GALNT18: variants seen among roughly 807,000 people sequenced by gnomAD.
The protein encoded by GALNT18 is GalNAc-transferase 18.
A neutral mutation model predicts 69.5 loss-of-function variants in GALNT18; 44 were observed. The ratio of observed to expected loss-of-function variants is 0.63; its 90% confidence interval spans 0.50 to 0.81. GALNT18 has a LOEUF of 0.81. GALNT18 is among the 40% of genes least tolerant of loss of function. The probability of loss-of-function intolerance (pLI) is 0.00; values close to 1 mark genes in which losing one functional copy is unlikely to be tolerated. For missense variants in GALNT18, 715 were observed against 810.0 expected, an observed-to-expected ratio of 0.88 and a Z score of 1.42; for synonymous variants, 364 against 318.2, an observed-to-expected ratio of 1.14 and a Z score of -1.53.
chr11:11,307,067 T>G (rs1849591383), intron 9 of GALNT18, among the ~76,000 whole-genome samples: 1 of 151,848 alleles, frequency 6.6e-6, no homozygotes, highest in Non-Finnish European at 1.5e-5. Context: ...AGAAGCAGAG[T>G]CAACTAGCTG....
chr11:11,519,645 T>C (rs189340779), intron 1 of GALNT18, among the ~76,000 whole-genome samples: 1 of 152,142 alleles, frequency 6.6e-6, no homozygotes, highest in Non-Finnish European at 1.5e-5. Flanking sequence ...TCAACTGCCT[T>C]ATCTCCCCTC....
At chr11:11,518,248 T>G (rs1857323261) in intron 1 of GALNT18, among the ~76,000 whole-genome samples, 1 of 152,226 alleles carries the variant, frequency 6.6e-6, no homozygotes, top group African/African-American at 2.4e-5. Context: ...AGACACAAAC[T>G]GCATTTCATG....
At chr11:11,375,785 A>G (rs1031139328) in intron 5 of GALNT18, among the ~76,000 whole-genome samples, 5 of 152,142 alleles carry the variant, frequency 3.3e-5, no homozygotes, top group Non-Finnish European at 7.4e-5. Flanking sequence ...AACAACACAA[A>G]ATTGTGGCAG....
At chr11:11,384,760 C>G (rs1854009320) in intron 3 of GALNT18, among the ~76,000 whole-genome samples, 1 of 152,176 alleles carries the variant, frequency 6.6e-6, no homozygotes, top group South Asian at 2.1e-4. Flanking sequence ...AGACCCCCAG[C>G]CTCTGGAACT....
At chr11:11,302,341 T>A (rs1849510251) in intron 9 of GALNT18, among the ~76,000 whole-genome samples, 1 of 152,100 alleles carries the variant, frequency 6.6e-6, no homozygotes, top group South Asian at 2.1e-4. Context: ...TGGTGAAGTC[T>A]CTCTTTTTCT....
chr11:11,339,891 T>A lies in GALNT18; in HGVS notation c.1278+928A>T, dbSNP rs1279330407. On this transcript the variant is annotated intron_variant, in intron 7 of 10. Coordinates refer to ENST00000227756, the MANE Select transcript of GALNT18 (RefSeq NM_198516.3). The surrounding 1 kb of genome is among the most constrained non-coding windows in gnomAD (Gnocchi z 5.2). ...GGTGTAGAGTTTAGGTAACAGGGCT[T>A]TCATATGATCACTTTGAGCGAAGAT... Among the ~76,000 whole-genome samples, 1 of 152,188 alleles carries A rather than the reference T, an allele frequency of 6.6e-6. No homozygotes were observed. The highest frequency in any genetic ancestry group is 1.5e-5 in the Non-Finnish European group (1 of 68,032).
intron 8 of GALNT18, among the ~76,000 whole-genome samples, chr11:11,327,541 T>G (rs12801014): frequency 0.13 from 19,476 of 152,190 alleles, 1,807 homozygotes; most frequent in African/African-American, 0.25. Flanking sequence ...TCTTTAGTGT[T>G]GGGGGAAATG....
intron 1 of GALNT18, among the ~76,000 whole-genome samples, chr11:11,526,835 A>T (rs191596306): frequency 6.6e-6 from 1 of 152,274 alleles, no homozygotes; most frequent in East Asian, 1.9e-4. Context: ...AAATCCAGGG[A>T]AAGTGGGGAA....
intron 1 of GALNT18, among the ~76,000 whole-genome samples, chr11:11,503,965 G>A (rs141831663): frequency 6.6e-6 from 1 of 152,208 alleles, no homozygotes; most frequent in African/African-American, 2.4e-5. Context: ...TAACAGCAAA[G>A]GTTCATTTAG....
intron 1 of GALNT18, among the ~76,000 whole-genome samples, chr11:11,458,639 C>T (rs1855973122): frequency 6.6e-6 from 1 of 152,222 alleles, no homozygotes; most frequent in African/African-American, 2.4e-5. Context: ...GCCCAGTTCA[C>T]CCGAGCACTG....
At position 11,443,794 on chromosome 11, in the gene GALNT18, T is replaced by TC. The variant is rs1855585111; in HGVS notation, c.428+4949dup. Among the ~76,000 whole-genome samples the TC allele has an allele frequency of 3.3e-5, 5 of 152,178 alleles. No homozygotes were observed. In the South Asian group the frequency reaches 1.0e-3, roughly 32 times the overall value. ...CCAGAGGAGTCTGAAGTGTCCTGCC[T>TC]CCCCCAGTTCTTCCCACCTGGATGG... On this transcript the variant is annotated intron_variant, in intron 2 of 10. Transcript: ENST00000227756.
rs1855375647 is a variant in GALNT18, at chr11:11,435,376, G to A, written c.429-2589C>T. ...TGCCAGTCTCTGGAAGCTGGTCTCCGGATGGTCTTTCTCCACGCAGAATGA... is the reference window on the plus strand; with the variant it reads ...TGCCAGTCTCTGGAAGCTGGTCTCCAGATGGTCTTTCTCCACGCAGAATGA... On this transcript the variant is annotated intron_variant, in intron 2 of 10. Transcript: ENST00000227756. This position sits in a 1 kb window ranked among gnomAD's most constrained non-coding sequence, Gnocchi z 4.4. 6.6e-6 allele frequency among the ~76,000 whole-genome samples: 1 copy of A among 152,126 alleles called. No homozygotes were observed. The highest frequency in any genetic ancestry group is 1.5e-5 in the Non-Finnish European group (1 of 68,018).
rs538600740 is a variant in GALNT18 at position 11,611,610 on chromosome 11, G to A, written c.235+9749C>T. ...GGGAATTGGGTGCTTCCCTGGACCT[G>A]GGACTTTCAGTTTTAAAACAGGGAA... is the stretch of plus-strand genomic sequence containing the variant. On this transcript the variant is annotated intron_variant, in intron 1 of 10. Transcript: ENST00000227756. Among the ~76,000 whole-genome samples the A allele has an allele frequency of 7.2e-5, 11 of 152,272 alleles. No homozygotes were observed. The East Asian group carries it at 2.1e-3, about 29-fold the overall frequency.
At chr11:11,333,747 A>C (rs1316676158) in intron 7 of GALNT18, among the ~76,000 whole-genome samples, 6 of 152,212 alleles carry the variant, frequency 3.9e-5, no homozygotes, top group Middle Eastern at 3.4e-3. Flanking sequence ...GAAGTGACAC[A>C]TGATTGTGTC....
chr11:11,415,236 A>T lies in GALNT18; in HGVS notation c.595+17385T>A, dbSNP rs1188768251. The stretch of plus-strand genomic sequence containing the variant: ...GCCCAACCAACCGATTGGGGACCTT[A>T]ATTACGTCAGCCAATTCCCCTCACA... On this transcript the variant is annotated intron_variant, in intron 3 of 10. Transcript: ENST00000227756. This position sits in a 1 kb window ranked among gnomAD's most constrained non-coding sequence, Gnocchi z 4.1. Among the ~76,000 whole-genome samples the T allele has an allele frequency of 6.6e-6, 1 of 152,158 alleles. No individual in the cohort carries two copies. Among genetic ancestry groups the T allele is most frequent in the East Asian group, 1.9e-4 (1 of 5,198 alleles).
chr11:11,302,183 T>C (rs1164318191), intron 9 of GALNT18, among the ~76,000 whole-genome samples: 1 of 152,140 alleles, frequency 6.6e-6, no homozygotes, highest in African/African-American at 2.4e-5. Context: ...GATCAGTAAG[T>C]GCCCCCACTT....
At chr11:11,552,224 T>C (rs558975882) in intron 1 of GALNT18, among the ~76,000 whole-genome samples, 202 of 152,358 alleles carry the variant, frequency 1.3e-3, no homozygotes, top group Middle Eastern at 6.8e-3. Context: ...CAATGAGCCA[T>C]GCATGTGAGA....
chr11:11,332,780 GT>G lies in GALNT18; in HGVS notation c.1329del (p.Lys443AsnfsTer19). 6.2e-7 allele frequency: 1 copy of G among 1,614,016 alleles called. No homozygotes were observed. The highest frequency in any genetic ancestry group is 8.5e-7 in the Non-Finnish European group (1 of 1,179,988). On this transcript the variant is annotated frameshift_variant, in exon 8 of 11. Coordinates refer to ENST00000227756, the MANE Select transcript of GALNT18 (RefSeq NM_198516.3). LOFTEE classifies it high-confidence loss of function. The surrounding 1 kb of genome is among the most constrained non-coding windows in gnomAD (Gnocchi z 4.3). ...GDITARKALR[K>X]QLQCKTFRWY... ...CACCGGAAGGTCTTGCACTGCAGCT[GT>G]TTCCTGAGAGCCTTCCTTGCAGTGA...
chr11:11,302,415 C>T (rs7924467), intron 9 of GALNT18, among the ~76,000 whole-genome samples: 75,608 of 151,956 alleles, frequency 0.5, 18,855 homozygotes, highest in Middle Eastern at 0.57. Flanking sequence ...GGCCTTAGCC[C>T]CTCATCCAGA....
Sources: allele counts gnomAD v4.1 joint callset (sites outside exome capture counted in the v4.1 genomes callset), GRCh38; gene constraint gnomAD v4.1.1; non-coding constraint Gnocchi (gnomAD v3.1); transcripts MANE v1.5; gene names NCBI Gene and HGNC (gene_info 2026-07-23, HGNC 2026-07-21).